Variants in PRKAR1B observed in about 807,000 individuals in gnomAD.
PRKAR1B encodes the protein protein kinase cAMP-dependent type I regulatory subunit beta, also known as cAMP-dependent protein kinase type I-beta regulatory subunit.
PRKAR1B carries 22 observed loss-of-function variants against 46.5 expected under a neutral mutation model. The observed-to-expected ratio is 0.47, with a 90% CI of 0.34 to 0.68. The LOEUF is 0.68. Ranked by LOEUF, PRKAR1B falls within the 30% of genes least tolerant of loss-of-function variation. The pLI is 0.01. For missense variants in PRKAR1B, 445 were observed against 535.6 expected, an observed-to-expected ratio of 0.83 and a Z score of 1.67; for synonymous variants, 259 against 217.7, an observed-to-expected ratio of 1.19 and a Z score of -1.67.
At chr7:686,162 G>A (rs560405358) in intron 2 of PRKAR1B, among the ~76,000 whole-genome samples, 21 of 152,134 alleles carry the variant, frequency 1.4e-4, no homozygotes, top group East Asian at 3.9e-4. Context: ...TTAGCTGGGC[G>A]TGGTGGTGGG....
chr7:591,126 C>T (rs888018260), intron 7 of PRKAR1B, among the ~76,000 whole-genome samples: 6 of 152,278 alleles, frequency 3.9e-5, no homozygotes, highest in African/African-American at 1.4e-4. Context: ...CTCGTGCACC[C>T]GTCCATCTCT....
At chr7:689,928 G>C (rs548576993) in intron 2 of PRKAR1B, among the ~76,000 whole-genome samples, 98 of 151,080 alleles carry the variant, frequency 6.5e-4, no homozygotes, top group Middle Eastern at 6.8e-3. Flanking sequence ...TGATCCGCCC[G>C]CCTCGGCCTC....
chr7:573,326 C>T (rs1779633353), intron 9 of PRKAR1B, among the ~76,000 whole-genome samples: 1 of 152,208 alleles, frequency 6.6e-6, no homozygotes, highest in African/African-American at 2.4e-5. Flanking sequence ...CACAGCCCCC[C>T]TCACCTCCCC....
chr7:619,822 C>A (rs1476436330), intron 4 of PRKAR1B, among the ~76,000 whole-genome samples: 1 of 151,860 alleles, frequency 6.6e-6, no homozygotes, highest in Non-Finnish European at 1.5e-5. Context: ...CTTTCCTTTC[C>A]TTTTTCTTTC....
Position 666,262 on chromosome 7 carries a change from C to G in PRKAR1B, c.440+10967G>C, listed in dbSNP as rs1469295709. Among the ~76,000 whole-genome samples the G allele has an allele frequency of 3.1e-5, 4 of 129,292 alleles. No individual in the cohort carries two copies. Among genetic ancestry groups the G allele is most frequent in the Admixed American group, 2.1e-4 (3 of 14,126 alleles). The allele number at this position is 129,292 out of a possible 152,430, so 84.8% of individuals were successfully genotyped here. A position where few individuals can be genotyped will look rare whatever the true frequency, so the allele number is the denominator to read the frequency against. On this transcript the variant is annotated intron_variant, in intron 4 of 10. Transcript: ENST00000537384. The surrounding 1 kb of genome is among the most constrained non-coding windows in gnomAD (Gnocchi z 4.9). ...GACAGCCTTCATGGTCCTGGCACAT[C>G]AGAGAGCTCCGGAACATGCGGGGCT...
intron 6 of PRKAR1B, among the ~76,000 whole-genome samples, chr7:597,899 C>T (rs1157241826): frequency 6.6e-6 from 1 of 152,222 alleles, no homozygotes; most frequent in African/African-American, 2.4e-5. Context: ...TAGGAACGTG[C>T]CCAACTCTTG....
chr7:710,251 C>T (rs1332390245), intron 2 of PRKAR1B, among the ~76,000 whole-genome samples: 1 of 152,098 alleles, frequency 6.6e-6, no homozygotes, highest in Admixed American at 6.6e-5. Flanking sequence ...CATTTGGTCC[C>T]CAGGAGAGAT....
chr7:612,994 C>A (rs1049449930), intron 4 of PRKAR1B, among the ~76,000 whole-genome samples: 4 of 152,088 alleles, frequency 2.6e-5, no homozygotes, highest in African/African-American at 9.7e-5. Context: ...TTAAATAAAT[C>A]ACAGTCCTTC....
chr7:588,546 A>ATAG (rs1780744384), intron 7 of PRKAR1B, among the ~76,000 whole-genome samples: 5 of 6,374 alleles, frequency 7.8e-4, no homozygotes, highest in Admixed American at 1.8e-3. Context: ...GATGGTGGTG[A>ATAG]CGGTGGTGAT....
chr7:638,115 C>T (rs1396087739), intron 4 of PRKAR1B, among the ~76,000 whole-genome samples: 1 of 152,214 alleles, frequency 6.6e-6, no homozygotes, highest in Non-Finnish European at 1.5e-5. Flanking sequence ...CCCAGGCCCG[C>T]GTGGGCACCC....
chr7:593,596 AGAG>A lies in PRKAR1B; in HGVS notation c.708+2547_708+2549del, dbSNP rs1781108215. Among the ~76,000 whole-genome samples, 1 of 152,168 alleles carries A rather than the reference AGAG, an allele frequency of 6.6e-6. No homozygotes were observed. ...ATGCAACGCCGGGCCAGGTGCGCCC[AGAG>A]GAGATGGGAACCGCTGTGCCCTCTT... On this transcript the variant is annotated intron_variant, in intron 7 of 10. Transcript: ENST00000537384. This position sits in a 1 kb window ranked among gnomAD's most constrained non-coding sequence, Gnocchi z 6.1.
In PRKAR1B at chr7:578,870, C is replaced by T. The variant is rs186984918; in HGVS notation, c.891+386G>A. On this transcript the variant is annotated intron_variant, in intron 9 of 10. Transcript: ENST00000537384. ...CAAATTTTTGTATTTTTAGTAGAGA[C>T]GGGGTTTCACCATGTTGGCCAGGCT... is the stretch of plus-strand genomic sequence containing the variant. 4.1e-3 allele frequency: 1,465 copies of T among 358,096 alleles called. 27 individuals are homozygous for T. Among genetic ancestry groups the T allele is most frequent in the African/African-American group, 0.03 (1,363 of 45,030 alleles). 22.2% of individuals were successfully genotyped at this position (358,096 alleles called of 1,614,324 possible).
rs553277171 is a variant in PRKAR1B, at chr7:649,635, T to G, written c.440+27594A>C. On this transcript the variant is annotated intron_variant, in intron 4 of 10. Coordinates refer to ENST00000537384, the MANE Select transcript of PRKAR1B (RefSeq NM_001164760.2). ...CTCTGTTGTCCAGGCTGGATTGCAG[T>G]GACGACCCTGGGTCACTGCAGCCTC... Among the ~76,000 whole-genome samples, 42 of 152,264 alleles carry G rather than the reference T, an allele frequency of 2.8e-4. No individual in the cohort carries two copies. The South Asian group carries it at 4.8e-3, about 17-fold the overall frequency.
At chr7:638,788 C>A (rs536820239) in intron 4 of PRKAR1B, among the ~76,000 whole-genome samples, 2 of 152,320 alleles carry the variant, frequency 1.3e-5, no homozygotes, top group South Asian at 4.1e-4. Flanking sequence ...CCCTAAAATT[C>A]ACATGCGGCC....
chr7:707,968 C>T (rs1170973488), intron 2 of PRKAR1B, among the ~76,000 whole-genome samples: 95 of 119,826 alleles, frequency 7.9e-4, no homozygotes, highest in Middle Eastern at 0.012. Flanking sequence ...GCCATCCCAC[C>T]ACACCTTGAT....
chr7:663,246 A>C (rs1168355872), intron 4 of PRKAR1B, among the ~76,000 whole-genome samples: 1 of 152,112 alleles, frequency 6.6e-6, no homozygotes, highest in Non-Finnish European at 1.5e-5. Flanking sequence ...TTTCTTTTTG[A>C]GACAGGGTCT....
chr7:668,901 C>T (rs564894153), intron 4 of PRKAR1B, among the ~76,000 whole-genome samples: 11 of 152,144 alleles, frequency 7.2e-5, no homozygotes, highest in African/African-American at 1.4e-4. Flanking sequence ...GCTCTGAGTT[C>T]GGTCAGGCTG....
chr7:552,818 C>G (rs1784330377), intron 9 of PRKAR1B, among the ~76,000 whole-genome samples: 1 of 152,246 alleles, frequency 6.6e-6, no homozygotes, highest in South Asian at 2.1e-4. Context: ...GGGAGCTCAT[C>G]CAGCCATCCC....
At chr7:691,149 G>C (rs1426611672) in intron 2 of PRKAR1B, among the ~76,000 whole-genome samples, 1 of 151,910 alleles carries the variant, frequency 6.6e-6, no homozygotes, top group Non-Finnish European at 1.5e-5. Context: ...CTACCCGAAG[G>C]GTCCCGCGCC....
Sources: allele counts gnomAD v4.1 joint callset (sites outside exome capture counted in the v4.1 genomes callset), GRCh38; gene constraint gnomAD v4.1.1; non-coding constraint Gnocchi (gnomAD v3.1); transcripts MANE v1.5; gene names NCBI Gene and HGNC (gene_info 2026-07-23, HGNC 2026-07-21).